The following RCOR1 variants were observed in gnomAD, a reference collection of about 807,000 sequenced individuals.
RCOR1 encodes the protein REST corepressor.
A neutral mutation model predicts 64.0 loss-of-function variants in RCOR1; 12 were observed. The observed-to-expected ratio is 0.19, with a 90% confidence interval of 0.12 to 0.30. RCOR1 has a LOEUF of 0.30. RCOR1 is among the 10% of genes least tolerant of loss of function. The pLI, the probability that RCOR1 is intolerant of heterozygous loss-of-function variation, is 1.00. For synonymous variants in RCOR1, 279 were observed against 227.2 expected (o/e 1.23, Z -2.05); for missense variants, 502 against 621.2 (o/e 0.81, Z 2.04).
At chr14:102,676,004 G>C (rs934967052) in intron 2 of RCOR1, among the ~76,000 whole-genome samples, 2 of 149,954 alleles carry the variant, frequency 1.3e-5, no homozygotes, top group African/African-American at 4.9e-5. Flanking sequence ...ATCCATTTAC[G>C]CATTGAAAAC....
chr14:102,634,871 A>AT (rs757143284), intron 2 of RCOR1, among the ~76,000 whole-genome samples: 17,524 of 137,428 alleles, frequency 0.13, 1,205 homozygotes, highest in African/African-American at 0.19. Context: ...TAATTTTTGT[A>AT]TTTTTTTTTT....
At chr14:102,689,533 T>C (rs1410894035) in intron 3 of RCOR1, among the ~76,000 whole-genome samples, 1 of 152,242 alleles carries the variant, frequency 6.6e-6, no homozygotes, top group African/African-American at 2.4e-5. Context: ...GACTTTTGGC[T>C]ATTGGATATC....
At chr14:102,606,110 G>A (rs752984053) in intron 2 of RCOR1, among the ~76,000 whole-genome samples, 38 of 152,036 alleles carry the variant, frequency 2.5e-4, no homozygotes, top group Non-Finnish European at 5.1e-4. Flanking sequence ...ATTTTTAGTA[G>A]AAATAGGGTT....
chr14:102,637,990 A>G (rs1470123145), intron 2 of RCOR1, among the ~76,000 whole-genome samples: 1 of 152,130 alleles, frequency 6.6e-6, no homozygotes, highest in African/African-American at 2.4e-5. Context: ...TTTTGTTCCA[A>G]TTTCTGTATC....
At chr14:102,650,172 T>A (rs1483973535) in intron 2 of RCOR1, among the ~76,000 whole-genome samples, 2 of 136,980 alleles carry the variant, frequency 1.5e-5, no homozygotes, top group Non-Finnish European at 3.1e-5. Context: ...CACTCCAGCC[T>A]GGGCGACAGA....
At chr14:102,647,805 A>C (rs1431710713) in intron 2 of RCOR1, among the ~76,000 whole-genome samples, 1 of 152,006 alleles carries the variant, frequency 6.6e-6, no homozygotes, top group African/African-American at 2.4e-5. Flanking sequence ...CAGCCTCCTA[A>C]GTAGTTGGGA....
chr14:102,724,897 C>T (rs1896231566), intron 11 of RCOR1, among the ~76,000 whole-genome samples: 1 of 152,114 alleles, frequency 6.6e-6, no homozygotes, highest in African/African-American at 2.4e-5. Context: ...CTGCTGGTGT[C>T]TTGCCTGTCC....
intron 2 of RCOR1, among the ~76,000 whole-genome samples, chr14:102,677,043 C>T (rs1895186686): frequency 7.8e-6 from 1 of 128,512 alleles, no homozygotes; most frequent in Non-Finnish European, 1.7e-5. Flanking sequence ...TGACCCCCCA[C>T]CTCCCTCCCG....
Position 102,600,659 on chromosome 14 carries a change from C to T in RCOR1, c.361+7334C>T, listed in dbSNP as rs1162587151. Among the ~76,000 whole-genome samples the T allele has an allele frequency of 2.0e-5, 3 of 151,462 alleles. No homozygotes were observed. In the East Asian group the frequency reaches 6.0e-4, roughly 30 times the overall value. On this transcript the variant is annotated intron_variant, in intron 2 of 11. Transcript: ENST00000262241. ...GATCTCAGCTCACTGCAAGTTCCGCCTCCTGGGTTCACGCCATTCTCCTGC... is the reference window on the plus strand; with the variant it reads ...GATCTCAGCTCACTGCAAGTTCCGCTTCCTGGGTTCACGCCATTCTCCTGC...
intron 11 of RCOR1, among the ~76,000 whole-genome samples, chr14:102,724,277 C>A (rs1488153853): frequency 1.3e-5 from 2 of 152,074 alleles, no homozygotes; most frequent in East Asian, 3.8e-4. Flanking sequence ...TATCCCTTTA[C>A]AAACTTTTTC....
At chr14:102,597,334 A>AT (rs1357962993) in intron 2 of RCOR1, among the ~76,000 whole-genome samples, 152 of 143,904 alleles carry the variant, frequency 1.1e-3, no homozygotes, top group African/African-American at 1.6e-3. Context: ...TTTGACTTTG[A>AT]TTTTTTTTTT....
chr14:102,601,391 C>T (rs1025067050), intron 2 of RCOR1, among the ~76,000 whole-genome samples: 11 of 152,192 alleles, frequency 7.2e-5, no homozygotes, highest in African/African-American at 2.7e-4. Context: ...TTCATTAATT[C>T]ACAGTTGGTT....
At position 102,634,262 on chromosome 14, in the gene RCOR1, C is replaced by T. The variant is rs1185384175; in HGVS notation, c.361+40937C>T. 2.6e-5 allele frequency among the ~76,000 whole-genome samples: 4 copies of T among 152,026 alleles called. No individual in the cohort carries two copies. The East Asian group carries it at 7.7e-4, about 29-fold the overall frequency. ...ATGGCTCACACCTGTAATCCCAGTGCTTTGGTTGGCCGAGGCAGGAGGGTC... is the reference window on the plus strand; with the variant it reads ...ATGGCTCACACCTGTAATCCCAGTGTTTTGGTTGGCCGAGGCAGGAGGGTC... On this transcript the variant is annotated intron_variant, in intron 2 of 11. Coordinates refer to ENST00000262241, the MANE Select transcript of RCOR1 (RefSeq NM_015156.4).
intron 6 of RCOR1, chr14:102,710,680 T>A (rs957023003): frequency 4.7e-6 from 2 of 429,738 alleles, no homozygotes; most frequent in African/African-American, 2.1e-5. Context: ...GTTTTAGATC[T>A]GGATTGGGAA....
At chr14:102,699,934 A>T (rs1187711602) in intron 3 of RCOR1, among the ~76,000 whole-genome samples, 1 of 152,158 alleles carries the variant, frequency 6.6e-6, no homozygotes, top group African/African-American at 2.4e-5. Context: ...AGCTTCTCCT[A>T]GAGGTTGAGT....
intron 2 of RCOR1, among the ~76,000 whole-genome samples, chr14:102,666,085 G>GTGA (rs1001427838): frequency 3.0e-4 from 45 of 152,088 alleles, no homozygotes; most frequent in African/African-American, 1.1e-3. Context: ...TTACAAAGAT[G>GTGA]GTGATCCTTG....
chr14:102,653,998 T>TCTTTCTTTCTTTGTTTCTTTCTTTCTTTC (rs1595214214), intron 2 of RCOR1, among the ~76,000 whole-genome samples: 2 of 126,598 alleles, frequency 1.6e-5, no homozygotes, highest in African/African-American at 6.6e-5. Flanking sequence ...TTTTTTTTTT[T>TCTTTCTTTCTTTGTTTCTTTCTTTCTTTC]TTTTTGAGAC....
At chr14:102,596,785 G>T (rs1349477035) in intron 2 of RCOR1, among the ~76,000 whole-genome samples, 2 of 151,534 alleles carry the variant, frequency 1.3e-5, no homozygotes, top group African/African-American at 4.9e-5. Context: ...GGCTGGTCTC[G>T]AACTCTTTGC....
chr14:102,687,617 T>G (rs1895447348), intron 3 of RCOR1, among the ~76,000 whole-genome samples: 1 of 152,224 alleles, frequency 6.6e-6, no homozygotes, highest in East Asian at 1.9e-4. Flanking sequence ...GGAAAATTAC[T>G]TGATGAAACC....
Sources: allele counts gnomAD v4.1 joint callset (sites outside exome capture counted in the v4.1 genomes callset), GRCh38; gene constraint gnomAD v4.1.1; transcripts MANE v1.5; gene names NCBI Gene and HGNC (gene_info 2026-07-23, HGNC 2026-07-21).